The following HS6ST3 variants were observed in gnomAD, a reference collection of about 807,000 sequenced individuals.
HS6ST3 encodes heparan sulfate 6-O-sulfotransferase 3.
In HS6ST3, 12 loss-of-function variants were observed where a neutral mutation model predicts 36.7. The ratio of observed to expected loss-of-function variants is 0.33; its 90% CI spans 0.21 to 0.53. The LOEUF (loss-of-function observed/expected upper bound fraction) is 0.53. HS6ST3 is among the 20% of genes least tolerant of loss of function. HS6ST3 has a pLI of 0.95. For synonymous variants in HS6ST3, 240 were observed against 257.5 expected, an observed-to-expected ratio of 0.93 and a Z score of 0.65; for missense variants, 584 against 640.9, an observed-to-expected ratio of 0.91 and a Z score of 0.96.
intron 1 of HS6ST3, among the ~76,000 whole-genome samples, chr13:96,467,242 A>G (rs2055818624): frequency 6.6e-6 from 1 of 152,068 alleles, no homozygotes; most frequent in Non-Finnish European, 1.5e-5. Context: ...TGCCTATTCT[A>G]TGGGAAGCTA....
chr13:96,336,116 A>AT (rs2055099636), intron 1 of HS6ST3, among the ~76,000 whole-genome samples: 1 of 152,098 alleles, frequency 6.6e-6, no homozygotes, highest in African/African-American at 2.4e-5. Flanking sequence ...ACATTTTCAT[A>AT]TTTTTTGTTG....
At chr13:96,817,597 T>C (rs563090362) in intron 1 of HS6ST3, among the ~76,000 whole-genome samples, 1 of 152,324 alleles carries the variant, frequency 6.6e-6, no homozygotes, top group South Asian at 2.1e-4. Flanking sequence ...TTTTAGCTGG[T>C]TTTTTGTTGG....
chr13:96,283,961 T>C (rs2054787778), intron 1 of HS6ST3, among the ~76,000 whole-genome samples: 1 of 152,208 alleles, frequency 6.6e-6, no homozygotes, highest in Non-Finnish European at 1.5e-5. Flanking sequence ...GTTGTCTTAC[T>C]CTAAAATTGA....
chr13:96,533,455 C>T (rs1259784786), intron 1 of HS6ST3, among the ~76,000 whole-genome samples: 2 of 152,208 alleles, frequency 1.3e-5, no homozygotes, highest in African/African-American at 4.8e-5. Context: ...TGTTCTGCAT[C>T]TGTTTACTCA....
rs149034174 is a variant in HS6ST3, at chr13:96,500,989, T to C, written c.708-331501T>C. On this transcript the variant is annotated intron_variant, in intron 1 of 1. Coordinates refer to ENST00000376705, the MANE Select transcript of HS6ST3 (RefSeq NM_153456.4). ...GTTTGGCAATCTCAAGCTCTCTCTC[T>C]CTCTTTTGTAGAGTGAAAGTTTTGG... Among the ~76,000 whole-genome samples, 524 of 152,276 alleles carry C rather than the reference T, an allele frequency of 3.4e-3. 8 individuals are homozygous for C. The highest frequency in any genetic ancestry group is 0.018 in the Admixed American group (281 of 15,286).
At chr13:96,161,841 G>A (rs573170647) in intron 1 of HS6ST3, among the ~76,000 whole-genome samples, 155 of 152,180 alleles carry the variant, frequency 1.0e-3, no homozygotes, top group African/African-American at 3.4e-3. Context: ...AAAGACCTGC[G>A]GAAGGCTTCC....
chr13:96,765,676 T>C (rs542402179), intron 1 of HS6ST3, among the ~76,000 whole-genome samples: 1 of 152,066 alleles, frequency 6.6e-6, no homozygotes, highest in Admixed American at 6.5e-5. Flanking sequence ...ACCTCTCTTA[T>C]ATTCACCTTG....
chr13:96,702,186 G>A lies in HS6ST3; in HGVS notation c.708-130304G>A, dbSNP rs139373472. The stretch of plus-strand genomic sequence containing the variant: ...ATTGGGTTATGGTTTCATTTTAGTT[G>A]TGGGAAAAAAATCACAGATGTAGGA... On this transcript the variant is annotated intron_variant, in intron 1 of 1. Coordinates refer to ENST00000376705, the MANE Select transcript of HS6ST3 (RefSeq NM_153456.4). Among the ~76,000 whole-genome samples the A allele has an allele frequency of 1.4e-4, 22 of 152,290 alleles. No homozygotes were observed. In the East Asian group the frequency reaches 3.9e-3, roughly 27 times the overall value.
At chr13:96,264,816 T>G (rs2054683741) in intron 1 of HS6ST3, among the ~76,000 whole-genome samples, 1 of 152,196 alleles carries the variant, frequency 6.6e-6, no homozygotes, top group Non-Finnish European at 1.5e-5. Context: ...TTTTTAAAAA[T>G]TATTTGCCAG....
chr13:96,363,190 G>T (rs2055247049), intron 1 of HS6ST3, among the ~76,000 whole-genome samples: 1 of 151,998 alleles, frequency 6.6e-6, no homozygotes, highest in Non-Finnish European at 1.5e-5. Flanking sequence ...ACATTCTATG[G>T]ATTTTACAAA....
At chr13:96,423,034 G>A (rs1407201552) in intron 1 of HS6ST3, among the ~76,000 whole-genome samples, 1 of 152,060 alleles carries the variant, frequency 6.6e-6, no homozygotes, top group African/African-American at 2.4e-5. Flanking sequence ...CATCAATGGG[G>A]AATAGAACAC....
At chr13:96,737,631 CAAAAAAAAA>C (rs5805990) in intron 1 of HS6ST3, among the ~76,000 whole-genome samples, 4 of 65,758 alleles carry the variant, frequency 6.1e-5, no homozygotes, top group Admixed American at 2.1e-4. Context: ...GACTCCGTCT[CAAAAAAAAA>C]AAAAAAAAAA....
Position 96,661,206 on chromosome 13 carries a change from C to T in HS6ST3, c.708-171284C>T, listed in dbSNP as rs543185088. 1.9e-3 allele frequency among the ~76,000 whole-genome samples: 290 copies of T among 152,142 alleles called. 1 individual carries two copies. Among genetic ancestry groups the T allele is most frequent in the Non-Finnish European group, 3.2e-3 (219 of 67,996 alleles). On this transcript the variant is annotated intron_variant, in intron 1 of 1. Transcript: ENST00000376705. ...ATCATGGGATTTTGATTATCTGCCT[C>T]GAAGATCTACCTAATACTGTTGGCG...
At chr13:96,543,952 G>GATATAT (rs10646361) in intron 1 of HS6ST3, among the ~76,000 whole-genome samples, 1,657 of 145,808 alleles carry the variant, frequency 0.011, 21 homozygotes, top group African/African-American at 0.034. Context: ...ATGATGGGGA[G>GATATAT]ATATATATAT....
intron 1 of HS6ST3, among the ~76,000 whole-genome samples, chr13:96,109,613 G>C (rs775085800): frequency 2.6e-5 from 4 of 152,190 alleles, no homozygotes; most frequent in Non-Finnish European, 5.9e-5. Flanking sequence ...TTCTGGAGAA[G>C]TGTTAGAGAA....
chr13:96,770,981 T>G (rs1877249505), intron 1 of HS6ST3, among the ~76,000 whole-genome samples: 1 of 152,154 alleles, frequency 6.6e-6, no homozygotes, highest in East Asian at 1.9e-4. Context: ...TGTGTCACAT[T>G]TTCTTAATCC....
At chr13:96,300,992 G>A (rs112045946) in intron 1 of HS6ST3, among the ~76,000 whole-genome samples, 4 of 152,240 alleles carry the variant, frequency 2.6e-5, no homozygotes, top group South Asian at 2.1e-4. Context: ...AATGATTCTC[G>A]TCTGTGATTA....
chr13:96,428,658 C>G (rs1385068520), intron 1 of HS6ST3, among the ~76,000 whole-genome samples: 1 of 152,078 alleles, frequency 6.6e-6, no homozygotes, highest in Non-Finnish European at 1.5e-5. Flanking sequence ...ATGTCAGGTA[C>G]AAGGAGATAG....
intron 1 of HS6ST3, among the ~76,000 whole-genome samples, chr13:96,687,574 G>T (rs1172494941): frequency 2.6e-5 from 4 of 151,828 alleles, no homozygotes; most frequent in African/African-American, 9.7e-5. Context: ...GCAGATCTCT[G>T]AAAAATATGA....
Sources: gnomAD v4.1 joint callset for allele counts (sites outside exome capture counted in the v4.1 genomes callset) on GRCh38, gnomAD v4.1.1 for gene constraint, MANE v1.5 for transcripts, NCBI Gene and HGNC (gene_info 2026-07-23, HGNC 2026-07-21) for gene names.